The following CEP112 variants were observed in gnomAD, a reference collection of about 807,000 sequenced individuals.
CEP112 encodes centrosomal protein 112, also known as centrosomal protein of 112 kDa.
Under a neutral mutation model 153.0 loss-of-function variants are expected in CEP112, and 127 were observed. The observed-to-expected ratio is 0.83, with a 90% CI of 0.72 to 0.96. CEP112 has a LOEUF of 0.96. Ranked by LOEUF, CEP112 falls within the 40% of genes least tolerant of loss-of-function variation. The pLI is 0.00. For missense variants in CEP112, 1,089 were observed against 1,101.2 expected (o/e 0.99, Z 0.16); for synonymous variants, 358 against 374.4 (o/e 0.96, Z 0.51).
chr17:66,103,198 A>T (rs1338247802), intron 6 of CEP112, among the ~76,000 whole-genome samples: 1 of 151,948 alleles, frequency 6.6e-6, no homozygotes, highest in Non-Finnish European at 1.5e-5. Context: ...GCACTGAGTG[A>T]ATAAGAGCGA....
intron 19 of CEP112, among the ~76,000 whole-genome samples, chr17:65,925,989 G>A (rs2060908431): frequency 6.6e-6 from 1 of 152,076 alleles, no homozygotes; most frequent in African/African-American, 2.4e-5. Flanking sequence ...AAAATTAATG[G>A]TAATCTTAAG....
At chr17:65,881,691 A>T (rs562593394) in intron 20 of CEP112, among the ~76,000 whole-genome samples, 3 of 152,296 alleles carry the variant, frequency 2.0e-5, no homozygotes, top group African/African-American at 7.2e-5. Flanking sequence ...TCATCCTCAT[A>T]ATGACAACAT....
At chr17:66,044,936 T>C (rs937624287) in intron 12 of CEP112, among the ~76,000 whole-genome samples, 1 of 151,674 alleles carries the variant, frequency 6.6e-6, no homozygotes, top group Non-Finnish European at 1.5e-5. Flanking sequence ...AATGTTCCTA[T>C]AAATCAAGGA....
intron 24 of CEP112, among the ~76,000 whole-genome samples, chr17:65,661,296 T>G (rs1285072964): frequency 6.6e-6 from 1 of 152,184 alleles, no homozygotes; most frequent in African/African-American, 2.4e-5. Context: ...CTAAAATGCC[T>G]TGGTATTATG....
At chr17:66,172,939 T>G (rs190319341) in intron 4 of CEP112, among the ~76,000 whole-genome samples, 110 of 152,246 alleles carry the variant, frequency 7.2e-4, no homozygotes, top group African/African-American at 2.6e-3. Flanking sequence ...CTGTTTTTTG[T>G]TCACAGATGA....
At chr17:65,810,689 TTAA>T in intron 21 of CEP112, among the ~76,000 whole-genome samples, 1 of 152,012 alleles carries the variant, frequency 6.6e-6, no homozygotes, top group East Asian at 1.9e-4. Flanking sequence ...AAAGAATTCT[TTAA>T]CATATTATTT....
chr17:66,094,370 T>G (rs528894453), intron 8 of CEP112, among the ~76,000 whole-genome samples: 1 of 152,266 alleles, frequency 6.6e-6, no homozygotes, highest in African/African-American at 2.4e-5. Flanking sequence ...GGTCAACTGA[T>G]TTTTGACAAA....
At position 65,902,354 on chromosome 17, in the gene CEP112, G is replaced by T. The variant is rs760615774; in HGVS notation, c.1981-20C>A. 2 of 1,599,700 alleles carry T rather than the reference G, an allele frequency of 1.3e-6. No homozygotes were observed. The highest frequency in any genetic ancestry group is 1.7e-6 in the Non-Finnish European group (2 of 1,172,698). The stretch of plus-strand genomic sequence containing the variant: ...TACTATCTGATTGGACAATGAGGAG[G>T]ACAGTTCATCAACAGAACATCCTTG... On this transcript the variant is annotated intron_variant, in intron 19 of 26. Transcript: ENST00000535342.
At chr17:65,973,904 T>G (rs1284743115) in intron 17 of CEP112, among the ~76,000 whole-genome samples, 1 of 152,186 alleles carries the variant, frequency 6.6e-6, no homozygotes, top group Non-Finnish European at 1.5e-5. Context: ...GTATGACAAT[T>G]CTAACTAAAT....
chr17:65,805,857 T>C (rs751303378), intron 21 of CEP112, among the ~76,000 whole-genome samples: 5 of 152,222 alleles, frequency 3.3e-5, no homozygotes, highest in Non-Finnish European at 5.9e-5. Flanking sequence ...AAAATCTTCA[T>C]ATGGAAACAC....
At chr17:65,974,923 C>T (rs370346966) in intron 17 of CEP112, among the ~76,000 whole-genome samples, 3 of 148,572 alleles carry the variant, frequency 2.0e-5, no homozygotes, top group South Asian at 4.5e-4. Context: ...CCAGGTCTGG[C>T]GTTTGGAATC....
chr17:65,883,510 G>A (rs1296088673), intron 20 of CEP112, among the ~76,000 whole-genome samples: 3 of 152,032 alleles, frequency 2.0e-5, no homozygotes, highest in African/African-American at 4.8e-5. Flanking sequence ...ACAGGCATCT[G>A]CCACCATGCC....
chr17:65,663,751 T>C (rs1480628843), intron 24 of CEP112, among the ~76,000 whole-genome samples: 3 of 152,314 alleles, frequency 2.0e-5, no homozygotes, highest in Non-Finnish European at 4.4e-5. Context: ...TCAAACCCTG[T>C]CTTCAAGGAA....
chr17:66,130,619 C>CA (rs914382366), intron 5 of CEP112, among the ~76,000 whole-genome samples: 18 of 151,684 alleles, frequency 1.2e-4, no homozygotes, highest in South Asian at 6.3e-4. Context: ...ACTAAAAATA[C>CA]AAAAAAATTA....
chr17:65,983,347 T>C (rs1599254520), intron 17 of CEP112, among the ~76,000 whole-genome samples: 1 of 152,230 alleles, frequency 6.6e-6, no homozygotes, highest in African/African-American at 2.4e-5. Context: ...ACGCCCGCCA[T>C]GTAATTATAT....
chr17:66,169,159 A>T (rs2072128426), intron 4 of CEP112, among the ~76,000 whole-genome samples: 1 of 152,160 alleles, frequency 6.6e-6, no homozygotes, highest in African/African-American at 2.4e-5. Flanking sequence ...ATTATAGTAT[A>T]TCCACATTAT....
intron 24 of CEP112, among the ~76,000 whole-genome samples, chr17:65,643,736 T>G (rs970632111): frequency 6.6e-6 from 1 of 152,224 alleles, no homozygotes. Context: ...TTTCATCCAC[T>G]TCTTCTGAGT....
At position 65,635,908 on chromosome 17, in the gene CEP112, A is replaced by C. The variant is rs935603414; in HGVS notation, c.*63T>G. The C allele has an allele frequency of 1.9e-6, 3 of 1,560,758 alleles. No homozygotes were observed. The African/African-American group carries it at 4.0e-5, about 21-fold the overall frequency. ...ACAGTTTACAATATCCAAATCTTCA[A>C]ACCTGCTGGAAGAAGTCCACAGCAC... On this transcript the variant is annotated 3_prime_UTR_variant, in exon 27 of 27. Transcript: ENST00000535342.
At chr17:66,118,036 A>G (rs932979133) in intron 6 of CEP112, among the ~76,000 whole-genome samples, 1 of 152,218 alleles carries the variant, frequency 6.6e-6, no homozygotes, top group African/African-American at 2.4e-5. Flanking sequence ...ATGTGGAGAA[A>G]GGGGAGCCCC....
Sources: gnomAD v4.1 joint callset for allele counts (sites outside exome capture counted in the v4.1 genomes callset) on GRCh38, gnomAD v4.1.1 for gene constraint, MANE v1.5 for transcripts, NCBI Gene and HGNC (gene_info 2026-07-23, HGNC 2026-07-21) for gene names.